NRP2: variants seen among roughly 807,000 people sequenced by gnomAD.
The protein encoded by NRP2 is neuropilin 2, also known as neuropilin-2.
Under a neutral mutation model 110.4 loss-of-function variants are expected in NRP2, and 52 were observed. That is an observed-to-expected ratio of 0.47 (90% CI 0.38 to 0.59). NRP2 has a LOEUF of 0.59. Among genes scored for constraint, NRP2 ranks in the 20% least tolerant of loss-of-function variants. The pLI, the probability that NRP2 is intolerant of heterozygous loss-of-function variation, is 0.00. For missense variants in NRP2, 1,049 were observed against 1,203.0 expected, an observed-to-expected ratio of 0.87 and a Z score of 1.89; for synonymous variants, 508 against 468.9, an observed-to-expected ratio of 1.08 and a Z score of -1.08.
chr2:205,796,788 G>A lies in NRP2; in HGVS notation c.*1730G>A, dbSNP rs1009912589. The A allele has an allele frequency of 6.6e-6, 1 of 152,664 alleles. No individual in the cohort carries two copies. Among genetic ancestry groups the A allele is most frequent in the Non-Finnish European group, 1.5e-5 (1 of 68,048 alleles). The allele number at this position is 152,664 out of a possible 1,614,324, so 9.5% of individuals were successfully genotyped here. On this transcript the variant is annotated 3_prime_UTR_variant, in exon 17 of 17. Coordinates refer to ENST00000357785, the MANE Select transcript of NRP2 (RefSeq NM_003872.3). Reference sequence around the variant, plus strand: ...ATATTAACGCCTAAGGATTGCCTGTGTGCTGGAAATATATTTGAAACTCAA... The same window carrying A: ...ATATTAACGCCTAAGGATTGCCTGTATGCTGGAAATATATTTGAAACTCAA...
intron 1 of NRP2, among the ~76,000 whole-genome samples, chr2:205,690,781 A>AAAAATAAAAT (rs969350217): frequency 6.6e-6 from 1 of 152,124 alleles, no homozygotes; most frequent in African/African-American, 2.4e-5. Context: ...CTCTGTCTCA[A>AAAAATAAAAT]AAAATAAAAT....
intron 15 of NRP2, among the ~76,000 whole-genome samples, chr2:205,775,560 T>A (rs186024795): frequency 1.3e-5 from 2 of 152,158 alleles, no homozygotes; most frequent in Non-Finnish European, 2.9e-5. Context: ...CTCCATCCAA[T>A]TAAAAAATGA....
At chr2:205,752,090 C>T (rs1367110344) in intron 11 of NRP2, among the ~76,000 whole-genome samples, 1 of 152,176 alleles carries the variant, frequency 6.6e-6, no homozygotes, top group Admixed American at 6.5e-5. Context: ...CCTGGATTCC[C>T]ATAGGGAAAG....
At chr2:205,721,824 A>AT (rs1358761270) in intron 3 of NRP2, among the ~76,000 whole-genome samples, 5 of 152,198 alleles carry the variant, frequency 3.3e-5, no homozygotes, top group Non-Finnish European at 5.9e-5. Context: ...GCCTGCTGTG[A>AT]TCCACCAGCT....
chr2:205,732,059 C>G (rs1421187257), intron 7 of NRP2, among the ~76,000 whole-genome samples: 2 of 152,164 alleles, frequency 1.3e-5, no homozygotes, highest in Admixed American at 1.3e-4. Flanking sequence ...CCGCCCTAGG[C>G]CTTACTCTTC....
At chr2:205,767,006 T>C (rs2057933594) in intron 15 of NRP2, 1 of 617,882 alleles carries the variant, frequency 1.6e-6, no homozygotes, top group African/African-American at 1.9e-5. Context: ...CTGTCTCTTG[T>C]TTAATTAAAG....
chr2:205,695,042 T>C (rs2056394516), intron 1 of NRP2, among the ~76,000 whole-genome samples: 1 of 152,244 alleles, frequency 6.6e-6, no homozygotes, highest in Non-Finnish European at 1.5e-5. Context: ...TCAATATCTA[T>C]GTTTGTGTGT....
intron 10 of NRP2, among the ~76,000 whole-genome samples, chr2:205,747,513 A>G (rs777576848): frequency 5.3e-5 from 8 of 152,220 alleles, no homozygotes; most frequent in Non-Finnish European, 1.2e-4. Flanking sequence ...TCCCAAAGCA[A>G]TGGTCATCTT....
chr2:205,743,109 G>A (rs2057471808), intron 8 of NRP2, 94 bp from the exon 9 acceptor site: 2 of 1,597,884 alleles, frequency 1.3e-6, no homozygotes, highest in Admixed American at 1.7e-5. Context: ...GTATTTGACA[G>A]TTGGGCTCTT....
intron 2 of NRP2, 121 bp downstream of exon 2, chr2:205,697,842 A>G (rs550200478): frequency 9.9e-7 from 1 of 1,013,382 alleles, no homozygotes; most frequent in African/African-American, 1.6e-5. Flanking sequence ...CCAGTGGTGG[A>G]TCCTGGCCCC....
In NRP2 at chr2:205,763,930, G is replaced by C. The variant is rs1345945126; in HGVS notation, c.2301G>C (p.Glu767Asp). 6.2e-7 allele frequency: 1 copy of C among 1,613,962 alleles called. No homozygotes were observed. The highest frequency in any genetic ancestry group is 2.2e-5 in the East Asian group (1 of 44,882). The change falls in exon 13 of 17, where the codon GAG becomes GAC. Residue 767 changes from glutamate to aspartate, a missense_variant. Coordinates refer to ENST00000357785, the MANE Select transcript of NRP2 (RefSeq NM_003872.3). This position sits in a 1 kb window ranked among gnomAD's most constrained non-coding sequence, Gnocchi z 4.0. The part of the protein sequence containing the change: ...GRIILPSYDM[E>D]YQIVFEGVIG... ...TCATCCTGCCCAGCTACGACATGGA[G>C]TACCAGGTGGGGTGAGCAAAAAGGG...
At position 205,763,632 on chromosome 2, in the gene NRP2, G is replaced by A. The variant is rs779321062; in HGVS notation, c.2045-42G>A. On this transcript the variant is annotated intron_variant, in intron 12 of 16. Coordinates refer to ENST00000357785, the MANE Select transcript of NRP2 (RefSeq NM_003872.3). This position sits in a 1 kb window ranked among gnomAD's most constrained non-coding sequence, Gnocchi z 4.0. ...ACAGCAGCACACTGGTGTCTTTCCC[G>A]AGTGTTTATGGAGAACCTCTGTTTG... 14 of 1,613,132 alleles carry A rather than the reference G, an allele frequency of 8.7e-6. No individual in the cohort carries two copies. In the African/African-American group the frequency reaches 1.5e-4, roughly 17 times the overall value.
chr2:205,776,690 T>A, intron 15 of NRP2: 1 of 1,513,122 alleles, frequency 6.6e-7, no homozygotes, highest in Admixed American at 2.1e-5. Flanking sequence ...CCATCCTCCT[T>A]GGGTTCATTT....
chr2:205,788,228 G>C (rs1022888167), intron 15 of NRP2, among the ~76,000 whole-genome samples: 6 of 152,202 alleles, frequency 3.9e-5, no homozygotes, highest in Admixed American at 3.9e-4. Flanking sequence ...TTTTTGGCCT[G>C]AGACTGATCT....
At chr2:205,702,888 C>T (rs2056590412) in intron 2 of NRP2, among the ~76,000 whole-genome samples, 1 of 152,230 alleles carries the variant, frequency 6.6e-6, no homozygotes, top group African/African-American at 2.4e-5. Flanking sequence ...CCATCTTCCT[C>T]CCCTGAGTTT....
At chr2:205,685,497 G>A (rs1353793371) in intron 1 of NRP2, among the ~76,000 whole-genome samples, 3 of 152,226 alleles carry the variant, frequency 2.0e-5, no homozygotes, top group Non-Finnish European at 4.4e-5. Context: ...AACCAATTCT[G>A]GGAAGGAGCA....
intron 2 of NRP2, among the ~76,000 whole-genome samples, chr2:205,712,804 G>C (rs849547): frequency 0.5 from 75,643 of 152,048 alleles, 22,453 homozygotes; most frequent in East Asian, 0.81. Flanking sequence ...TTCAGCTGCC[G>C]AACTGTAACT....
chr2:205,773,998 C>G (rs1395856205), intron 15 of NRP2, among the ~76,000 whole-genome samples: 1 of 152,226 alleles, frequency 6.6e-6, no homozygotes, highest in Non-Finnish European at 1.5e-5. Flanking sequence ...ATGGCCCTCA[C>G]TGTGGAGCCA....
chr2:205,684,854 A>C (rs1293163188), intron 1 of NRP2, among the ~76,000 whole-genome samples: 1 of 151,874 alleles, frequency 6.6e-6, no homozygotes, highest in Non-Finnish European at 1.5e-5. Context: ...TGTTTGTGTG[A>C]TTCGCTGTGT....
Sources: gnomAD v4.1 joint callset for allele counts (sites outside exome capture counted in the v4.1 genomes callset) on GRCh38, gnomAD v4.1.1 for gene constraint, Gnocchi (gnomAD v3.1) non-coding constraint, MANE v1.5 for transcripts, NCBI Gene and HGNC (gene_info 2026-07-23, HGNC 2026-07-21) for gene names.